KCNA2: variants seen among roughly 807,000 people sequenced by gnomAD.
The protein encoded by KCNA2 is potassium channel, voltage gated shaker related subfamily A, member 2.
KCNA2 carries 11 observed loss-of-function variants against 33.4 expected under a neutral mutation model. The ratio of observed to expected loss-of-function variants is 0.33; its 90% CI spans 0.21 to 0.55. KCNA2 has a LOEUF of 0.55. KCNA2 is among the 20% of genes least tolerant of loss of function. The pLI, the probability that KCNA2 is intolerant of heterozygous loss-of-function variation, is 0.93. For synonymous variants in KCNA2, 222 were observed against 231.3 expected, an observed-to-expected ratio of 0.96 and a Z score of 0.37; for missense variants, 291 against 621.6, an observed-to-expected ratio of 0.47 and a Z score of 5.66.
In KCNA2 at chr1:110,614,105, C is replaced by T. The variant is rs1328496381; in HGVS notation, c.-495-8383G>A. On this transcript the variant is annotated intron_variant, in intron 1 of 4. Transcript: ENST00000369770. ...GGCCATAGAGAGCAATTCTTCCTCC[C>T]CTCCCCTGCACCTTGCAGAGATCAG... is the stretch of plus-strand genomic sequence containing the variant. Among the ~76,000 whole-genome samples, 4 of 152,328 alleles carry T rather than the reference C, an allele frequency of 2.6e-5. No individual in the cohort carries two copies. In the East Asian group the frequency reaches 7.7e-4, roughly 29 times the overall value.
chr1:110,609,324 T>C (rs1186716654), upstream of KCNA2, among the ~76,000 whole-genome samples: 1 of 152,228 alleles, frequency 6.6e-6, no homozygotes, highest in Non-Finnish European at 1.5e-5. Context: ...ATCGTCATAA[T>C]TGGTGACATG....
chr1:110,601,041 T>A lies in KCNA2; in HGVS notation c.*2242A>T. The A allele has an allele frequency of 1.0e-6, 1 of 985,474 alleles. No homozygotes were observed. Among genetic ancestry groups the A allele is most frequent in the Non-Finnish European group, 1.2e-6 (1 of 829,948 alleles). 61.0% of individuals were successfully genotyped at this position (985,474 alleles called of 1,614,324 possible). The stretch of plus-strand genomic sequence containing the variant: ...CCAGTCTGGTGAGTTAAAAGCCCCC[T>A]ACCTGAAGCCATTTCAGGGTCAACC... On this transcript the variant is annotated 3_prime_UTR_variant, in exon 3 of 3. Transcript: ENST00000316361.
Position 110,599,939 on chromosome 1 carries a change from G to A in KCNA2, c.*3344C>T. On this transcript the variant is annotated 3_prime_UTR_variant, in exon 3 of 3. Transcript: ENST00000316361. ...TTTCTGGTGGGAGGAAGGTGAATTG[G>A]TAGAGACCCCATGCAATTCCTGGTC... 1.0e-6 allele frequency: 1 copy of A among 985,364 alleles called. No individual in the cohort carries two copies. The highest frequency in any genetic ancestry group is 4.7e-5 in the South Asian group (1 of 21,280). 61.0% of individuals were successfully genotyped at this position (985,364 alleles called of 1,614,324 possible).
At position 110,599,748 on chromosome 1, in the gene KCNA2, T is replaced by C. The variant is rs1649256145; in HGVS notation, c.*3535A>G. 2.0e-6 allele frequency: 2 copies of C among 985,468 alleles called. No homozygotes were observed. The highest frequency in any genetic ancestry group is 4.7e-5 in the South Asian group (1 of 21,286). The allele number at this position is 985,468 out of a possible 1,614,324, so 61.0% of individuals were successfully genotyped here. ...CTGCAGTTTCTTGAGCCATTACTGC[T>C]TTTAAGAGAATAGGGCTGAATCTGG... is the stretch of plus-strand genomic sequence containing the variant. On this transcript the variant is annotated 3_prime_UTR_variant, in exon 3 of 3. Coordinates refer to ENST00000316361, the MANE Select transcript of KCNA2 (RefSeq NM_004974.4).
At position 110,603,056 on chromosome 1, in the gene KCNA2, A is replaced by G. The variant is rs1250629193; in HGVS notation, c.*227T>C. The G allele has an allele frequency of 6.5e-6, 9 of 1,394,076 alleles. No individual in the cohort carries two copies. Among genetic ancestry groups the G allele is most frequent in the Non-Finnish European group, 7.4e-6 (8 of 1,080,706 alleles). The allele number at this position is 1,394,076 out of a possible 1,614,324, so 86.4% of individuals were successfully genotyped here. A position where few individuals can be genotyped will look rare whatever the true frequency, so the allele number is the denominator to read the frequency against. Reference sequence around the variant, plus strand: ...ATCTGAAATCCTAGCTTGATAGGTGACTCCCGTCTTTGGAAGTTCATAAGC... The same window carrying G: ...ATCTGAAATCCTAGCTTGATAGGTGGCTCCCGTCTTTGGAAGTTCATAAGC... On this transcript the variant is annotated 3_prime_UTR_variant, in exon 3 of 3. Transcript: ENST00000316361. This position sits in a 1 kb window ranked among gnomAD's most constrained non-coding sequence, Gnocchi z 5.7.
Position 110,618,850 on chromosome 1 carries a change from T to C in KCNA2, c.-496+12545A>G, listed in dbSNP as rs149159601. On this transcript the variant is annotated intron_variant, in intron 1 of 4. Coordinates refer to the KCNA2 transcript ENST00000369770. ...CCTTCAGACCATCTTCTGAACCAGATGTCTTATCTCTTCCGGCAGGCGAAG... is the reference window on the plus strand; with the variant it reads ...CCTTCAGACCATCTTCTGAACCAGACGTCTTATCTCTTCCGGCAGGCGAAG... Among the ~76,000 whole-genome samples, 627 of 152,284 alleles carry C rather than the reference T, an allele frequency of 4.1e-3. 2 individuals are homozygous for C. Among genetic ancestry groups the C allele is most frequent in the African/African-American group, 0.014 (588 of 41,552 alleles).
intron 1 of KCNA2, among the ~76,000 whole-genome samples, chr1:110,623,593 C>T (rs533105902): frequency 6.6e-6 from 1 of 152,268 alleles, no homozygotes; most frequent in South Asian, 2.1e-4. Context: ...CAAGGTCTCA[C>T]CATGTTGCAT....
chr1:110,593,981 T>G lies in KCNA2; in HGVS notation c.*9302A>C. 1 of 1,548,328 alleles carries G rather than the reference T, an allele frequency of 6.5e-7. No individual in the cohort carries two copies. The highest frequency in any genetic ancestry group is 8.7e-7 in the Non-Finnish European group (1 of 1,146,020). ...TTAAATGACTCCCAACTCCCATGAG[T>G]CTTCCCCGCAAGTCCTGCTCCGCCT... On this transcript the variant is annotated 3_prime_UTR_variant, in exon 3 of 3. Transcript: ENST00000316361.
rs1185193860 is a variant in KCNA2, at chr1:110,594,236, G to A, written c.*9047C>T. ...AGGAAGCCAGTGCAAACCCTAACTG[G>A]AGTCTGTGCTGCATGAGCCTAAGTG... On this transcript the variant is annotated 3_prime_UTR_variant, in exon 3 of 3. Transcript: ENST00000316361. 21 of 1,079,236 alleles carry A rather than the reference G, an allele frequency of 1.9e-5. No homozygotes were observed. Among genetic ancestry groups the A allele is most frequent in the South Asian group, 6.2e-5 (2 of 32,088 alleles). 66.9% of individuals were successfully genotyped at this position (1,079,236 alleles called of 1,614,324 possible).
chr1:110,629,891 G>A (rs1040973214), intron 1 of KCNA2, among the ~76,000 whole-genome samples: 3 of 152,124 alleles, frequency 2.0e-5, no homozygotes, highest in African/African-American at 4.8e-5. Flanking sequence ...AGAAAGAAAA[G>A]GGTATTCATT....
At position 110,593,899 on chromosome 1, in the gene KCNA2, C is replaced by T. The variant is rs2101345823; in HGVS notation, c.*9384G>A. 1.3e-6 allele frequency: 2 copies of T among 1,550,186 alleles called. No individual in the cohort carries two copies. The highest frequency in any genetic ancestry group is 1.7e-6 in the Non-Finnish European group (2 of 1,146,864). ...GTCAGCAAGAATGATAATATCAATA[C>T]ATCCTGTGCAATGTAGTTACAGCTG... On this transcript the variant is annotated 3_prime_UTR_variant, in exon 3 of 3. Coordinates refer to ENST00000316361, the MANE Select transcript of KCNA2 (RefSeq NM_004974.4).
rs1003902367 is a variant in KCNA2 at position 110,595,066 on chromosome 1, G to A, written c.*8217C>T. ...TTTCAAGGAGAAGCAGGGCTTAGAG[G>A]CCTCTCACAGAGACTCAGAAAGACA... On this transcript the variant is annotated 3_prime_UTR_variant, in exon 3 of 3. Coordinates refer to ENST00000316361, the MANE Select transcript of KCNA2 (RefSeq NM_004974.4). 17 of 985,212 alleles carry A rather than the reference G, an allele frequency of 1.7e-5. No homozygotes were observed. The highest frequency in any genetic ancestry group is 1.0e-3 in the Middle Eastern group (2 of 1,936). The allele number at this position is 985,212 out of a possible 1,614,324, so 61.0% of individuals were successfully genotyped here.
Position 110,600,624 on chromosome 1 carries a change from T to C in KCNA2, c.*2659A>G, listed in dbSNP as rs1357206269. ...TGTGCATGACTGTATGTGAACATTT[T>C]AGAGTCCTGGGCCAAGGACACTGTG... is the stretch of plus-strand genomic sequence containing the variant. On this transcript the variant is annotated 3_prime_UTR_variant, in exon 3 of 3. Coordinates refer to ENST00000316361, the MANE Select transcript of KCNA2 (RefSeq NM_004974.4). 20 of 985,440 alleles carry C rather than the reference T, an allele frequency of 2.0e-5. No homozygotes were observed. The highest frequency in any genetic ancestry group is 9.4e-5 in the South Asian group (2 of 21,288). The allele number at this position is 985,440 out of a possible 1,614,324, so 61.0% of individuals were successfully genotyped here.
rs146036196 is a variant in KCNA2, at chr1:110,603,976, G to A, written c.807C>T (p.Thr269=). 1,614 of 1,614,152 alleles carry A rather than the reference G, an allele frequency of 1.0e-3. 2 individuals carry two copies. Among genetic ancestry groups the A allele is most frequent in the Non-Finnish European group, 1.3e-3 (1,496 of 1,180,026 alleles). Residue 269 remains threonine, a synonymous_variant, in exon 3 of 3, where the codon ACC becomes ACT. Transcript: ENST00000316361. This position sits in a 1 kb window ranked among gnomAD's most constrained non-coding sequence, Gnocchi z 5.7. ...GCTTCTCAGCCAACTCTGTCCCCAG[G>A]GTGATGAAGTAGGGGATGATGGCCA... ...DIVAIIPYFI[T]LGTELAEKPE... is the part of the protein sequence containing the mutation.
chr1:110,604,940 G>A lies in KCNA2; in HGVS notation c.-158C>T, dbSNP rs540675869. 32 of 683,910 alleles carry A rather than the reference G, an allele frequency of 4.7e-5. No individual in the cohort carries two copies. The highest frequency in any genetic ancestry group is 1.4e-4 in the South Asian group (7 of 51,462). 42.4% of individuals were successfully genotyped at this position (683,910 alleles called of 1,614,324 possible). A position where few individuals can be genotyped will look rare whatever the true frequency, so the allele number is the denominator to read the frequency against. Reference sequence around the variant, plus strand: ...CTCTGAGAGCTGGAGAGACAGCCTCGCTTGGCTGAAAGACAGAGGCAGTTA... The same window carrying A: ...CTCTGAGAGCTGGAGAGACAGCCTCACTTGGCTGAAAGACAGAGGCAGTTA... On this transcript the variant is annotated 5_prime_UTR_variant, in exon 3 of 3. Transcript: ENST00000316361. This position sits in a 1 kb window ranked among gnomAD's most constrained non-coding sequence, Gnocchi z 7.6.
Position 110,600,805 on chromosome 1 carries a change from G to C in KCNA2, c.*2478C>G. 1.0e-5 allele frequency: 10 copies of C among 985,338 alleles called. No homozygotes were observed. The highest frequency in any genetic ancestry group is 1.2e-5 in the Non-Finnish European group (10 of 829,918). The allele number at this position is 985,338 out of a possible 1,614,324, so 61.0% of individuals were successfully genotyped here. On this transcript the variant is annotated 3_prime_UTR_variant, in exon 3 of 3. Coordinates refer to ENST00000316361, the MANE Select transcript of KCNA2 (RefSeq NM_004974.4). ...GCACAGAGGCTTTGTGCTGGGCATGGGATGCCCTGCAGATACCTGGGGATG... is the reference window on the plus strand; with the variant it reads ...GCACAGAGGCTTTGTGCTGGGCATGCGATGCCCTGCAGATACCTGGGGATG...
In KCNA2 at chr1:110,598,262, T is replaced by C; in HGVS notation, c.*5021A>G. On this transcript the variant is annotated 3_prime_UTR_variant, in exon 3 of 3. Transcript: ENST00000316361. ...ATGACAATGGGCCCCAGGAAAGCTC[T>C]GGGGAGCAGAGCTCAGCACCATCAT... 3.1e-6 allele frequency: 2 copies of C among 653,844 alleles called. No homozygotes were observed. Among genetic ancestry groups the C allele is most frequent in the African/African-American group, 3.9e-5 (2 of 50,838 alleles). The allele number at this position is 653,844 out of a possible 1,614,324, so 40.5% of individuals were successfully genotyped here. A position where few individuals can be genotyped will look rare whatever the true frequency, so the allele number is the denominator to read the frequency against.
upstream of KCNA2, chr1:110,608,170 C>T (rs868147556): frequency 6.6e-6 from 1 of 152,300 alleles, no homozygotes; most frequent in Non-Finnish European, 1.5e-5. Flanking sequence ...GCTTACAGCA[C>T]CCTAGGTGGG....
chr1:110,602,419 C>T lies in KCNA2; in HGVS notation c.*864G>A. On this transcript the variant is annotated 3_prime_UTR_variant, in exon 3 of 3. Transcript: ENST00000316361. ...AACAAACACCCATGCAGCTCTATTG[C>T]ATCACTGGTAAATTTCACTGCAGTG... 7.5e-7 allele frequency: 1 copy of T among 1,337,622 alleles called. No individual in the cohort carries two copies. 82.9% of individuals were successfully genotyped at this position (1,337,622 alleles called of 1,614,324 possible).
Sources: gnomAD v4.1 joint callset for allele counts (sites outside exome capture counted in the v4.1 genomes callset) on GRCh38, gnomAD v4.1.1 for gene constraint, Gnocchi (gnomAD v3.1) non-coding constraint, MANE v1.5 for transcripts, NCBI Gene and HGNC (gene_info 2026-07-23, HGNC 2026-07-21) for gene names.